The following ADGRL3 variants were observed in gnomAD, a reference collection of about 807,000 sequenced individuals.
ADGRL3 encodes the protein adhesion G protein-coupled receptor L3, also known as calcium-independent alpha-latrotoxin receptor 3.
A neutral mutation model predicts 153.5 loss-of-function variants in ADGRL3; 62 were observed. The ratio of observed to expected loss-of-function variants is 0.40; its 90% confidence interval spans 0.33 to 0.50. ADGRL3 has a LOEUF of 0.50. Among genes scored for constraint, ADGRL3 ranks in the 20% least tolerant of loss-of-function variants. ADGRL3 has a pLI of 0.47. For missense variants in ADGRL3, 1,641 were observed against 1,859.4 expected (o/e 0.88, Z 2.16); for synonymous variants, 710 against 672.5 (o/e 1.06, Z -0.86).
At chr4:61,213,709 A>G (rs1269283585) in intron 1 of ADGRL3, among the ~76,000 whole-genome samples, 1 of 152,108 alleles carries the variant, frequency 6.6e-6, no homozygotes, top group African/African-American at 2.4e-5. Context: ...TTTTTTTGAA[A>G]GCATTAAGTA....
chr4:61,687,731 G>A (rs780803118), intron 6 of ADGRL3, among the ~76,000 whole-genome samples: 2 of 151,866 alleles, frequency 1.3e-5, no homozygotes, highest in Admixed American at 6.6e-5. Flanking sequence ...TAAATAAAGA[G>A]TTGTTTATGA....
intron 1 of ADGRL3, among the ~76,000 whole-genome samples, chr4:61,272,876 A>G (rs1265612799): frequency 6.6e-6 from 1 of 152,186 alleles, no homozygotes; most frequent in African/African-American, 2.4e-5. Context: ...GATAAGTCAA[A>G]TCAGCTTTTA....
chr4:61,978,593 A>G (rs1294332237), intron 17 of ADGRL3, among the ~76,000 whole-genome samples: 2 of 152,178 alleles, frequency 1.3e-5, no homozygotes, highest in African/African-American at 2.4e-5. Context: ...GCCTCTGTAA[A>G]TTCTAAAGAT....
At chr4:61,429,938 G>C (rs1022373525) in intron 2 of ADGRL3, among the ~76,000 whole-genome samples, 1 of 152,028 alleles carries the variant, frequency 6.6e-6, no homozygotes, top group Non-Finnish European at 1.5e-5. Flanking sequence ...ATGGCTTCTA[G>C]AGTTAAAGTG....
chr4:61,392,831 A>G (rs557671612), intron 2 of ADGRL3, among the ~76,000 whole-genome samples: 22 of 151,936 alleles, frequency 1.4e-4, no homozygotes, highest in African/African-American at 4.8e-4. Context: ...TTATGAAACG[A>G]TGGAAATACT....
chr4:61,820,887 C>T (rs577942291), intron 9 of ADGRL3, among the ~76,000 whole-genome samples: 2 of 152,246 alleles, frequency 1.3e-5, no homozygotes, highest in African/African-American at 4.8e-5. Context: ...GCAAAATGCC[C>T]TACCCTAGAA....
chr4:61,268,734 A>C (rs2092994638), intron 1 of ADGRL3, among the ~76,000 whole-genome samples: 1 of 151,596 alleles, frequency 6.6e-6, no homozygotes, highest in Non-Finnish European at 1.5e-5. Context: ...TTAAATGTTA[A>C]ACCTGTAATG....
chr4:61,328,508 GT>G (rs1314879914), intron 1 of ADGRL3, among the ~76,000 whole-genome samples: 1 of 152,072 alleles, frequency 6.6e-6, no homozygotes. Context: ...TATAGGGGAT[GT>G]TTTTATAGCA....
intron 1 of ADGRL3, among the ~76,000 whole-genome samples, chr4:61,335,558 G>A (rs1006975576): frequency 6.6e-6 from 1 of 152,124 alleles, no homozygotes; most frequent in African/African-American, 2.4e-5. Context: ...CATTTTTTAA[G>A]AGTAGAATGT....
chr4:61,273,377 G>A (rs2093300792), intron 1 of ADGRL3, among the ~76,000 whole-genome samples: 1 of 152,152 alleles, frequency 6.6e-6, no homozygotes, highest in African/African-American at 2.4e-5. Context: ...TGGATATGAA[G>A]AAATTTGGTC....
intron 2 of ADGRL3, among the ~76,000 whole-genome samples, chr4:61,490,102 C>G (rs2098241674): frequency 6.6e-6 from 1 of 152,056 alleles, no homozygotes; most frequent in Non-Finnish European, 1.5e-5. Context: ...TTTTCCACCT[C>G]TTTACCTTTA....
chr4:61,601,885 T>C (rs947045969), intron 5 of ADGRL3, among the ~76,000 whole-genome samples: 2 of 152,218 alleles, frequency 1.3e-5, no homozygotes, highest in African/African-American at 2.4e-5. Flanking sequence ...GGTATTTCCA[T>C]CATCCATGTG....
At chr4:61,771,742 A>T (rs987685628) in intron 8 of ADGRL3, among the ~76,000 whole-genome samples, 1 of 151,416 alleles carries the variant, frequency 6.6e-6, no homozygotes, top group African/African-American at 2.4e-5. Context: ...TTTTAAACCA[A>T]AGGGGTATCT....
rs574670596 is a variant in ADGRL3, at chr4:61,360,100, A to G, written c.-239-23024A>G. 9.2e-5 allele frequency among the ~76,000 whole-genome samples: 14 copies of G among 152,280 alleles called. No individual in the cohort carries two copies. In the East Asian group the frequency reaches 2.5e-3, roughly 27 times the overall value. On this transcript the variant is annotated intron_variant, in intron 1 of 26. Coordinates refer to ENST00000683033, the MANE Select transcript of ADGRL3 (RefSeq NM_001387552.1). ...TGGAGAGGGACATCAGAGTGAGGGT[A>G]TTTCTTTCTCTCATTCAATAGAATA... is the stretch of plus-strand genomic sequence containing the variant.
intron 2 of ADGRL3, among the ~76,000 whole-genome samples, chr4:61,451,017 T>C (rs1300793394): frequency 6.6e-6 from 1 of 152,076 alleles, no homozygotes; most frequent in East Asian, 1.9e-4. Flanking sequence ...TGAAAAAAAG[T>C]TAGTAACCAT....
chr4:61,589,070 A>C (rs1286698741), intron 5 of ADGRL3, among the ~76,000 whole-genome samples: 2 of 152,100 alleles, frequency 1.3e-5, no homozygotes, highest in Non-Finnish European at 2.9e-5. Flanking sequence ...AGTATTTCAA[A>C]AAAGTAGTTA....
At chr4:61,235,605 C>T (rs1004008292) in intron 1 of ADGRL3, among the ~76,000 whole-genome samples, 7 of 152,124 alleles carry the variant, frequency 4.6e-5, no homozygotes, top group African/African-American at 1.7e-4. Flanking sequence ...ATTGGAGTAT[C>T]ACCAAACCTG....
intron 1 of ADGRL3, among the ~76,000 whole-genome samples, chr4:61,377,047 A>G (rs552512610): frequency 6.6e-6 from 1 of 152,256 alleles, no homozygotes; most frequent in South Asian, 2.1e-4. Context: ...ACACTGCCCT[A>G]TTCCTAGCTG....
At chr4:61,871,079 C>T (rs968168106) in intron 9 of ADGRL3, among the ~76,000 whole-genome samples, 24 of 151,964 alleles carry the variant, frequency 1.6e-4, no homozygotes, top group Non-Finnish European at 3.1e-4. Flanking sequence ...GAGATCGAGA[C>T]CATCCTGGCT....
Sources: gnomAD v4.1 joint callset for allele counts (sites outside exome capture counted in the v4.1 genomes callset) on GRCh38, gnomAD v4.1.1 for gene constraint, MANE v1.5 for transcripts, NCBI Gene and HGNC (gene_info 2026-07-23, HGNC 2026-07-21) for gene names.